TRPM3: variants seen among roughly 807,000 people sequenced by gnomAD.
TRPM3 encodes the protein transient receptor potential cation channel subfamily M member 3, also known as long transient receptor potential channel 3.
A neutral mutation model predicts 181.2 loss-of-function variants in TRPM3; 77 were observed. The ratio of observed to expected loss-of-function variants is 0.42; its 90% CI spans 0.35 to 0.51. The LOEUF (loss-of-function observed/expected upper bound fraction) is 0.51, where lower values mean the gene tolerates loss of function less well. TRPM3 is among the 20% of genes least tolerant of loss of function. The pLI is 0.01. For synonymous variants in TRPM3, 745 were observed against 796.4 expected, an observed-to-expected ratio of 0.94 and a Z score of 1.09; for missense variants, 1,759 against 2,196.7, an observed-to-expected ratio of 0.80 and a Z score of 3.98.
At chr9:71,275,810 A>G (rs2084162438) in intron 1 of TRPM3, among the ~76,000 whole-genome samples, 2 of 152,062 alleles carry the variant, frequency 1.3e-5, no homozygotes, top group East Asian at 3.9e-4. Context: ...ATATATGAGT[A>G]AGTTCATAAT....
At chr9:71,086,271 G>A (rs1403099676) in intron 1 of TRPM3, among the ~76,000 whole-genome samples, 2 of 151,348 alleles carry the variant, frequency 1.3e-5, no homozygotes, top group Non-Finnish European at 3.0e-5. Flanking sequence ...CTAGGTGATG[G>A]GATTATTAGT....
At chr9:71,275,724 A>G (rs145097484) in intron 1 of TRPM3, among the ~76,000 whole-genome samples, 2 of 152,356 alleles carry the variant, frequency 1.3e-5, no homozygotes, top group East Asian at 3.9e-4. Flanking sequence ...AACAAACAGA[A>G]TCTGAGGCAA....
intron 25 of TRPM3, among the ~76,000 whole-genome samples, chr9:70,541,016 C>T (rs963034704): frequency 1.3e-5 from 2 of 152,186 alleles, no homozygotes; most frequent in South Asian, 2.1e-4. Flanking sequence ...GCAGGAGTCA[C>T]TGCACTCAGC....
intron 6 of TRPM3, among the ~76,000 whole-genome samples, chr9:70,803,451 G>GTTTTTT: frequency 8.0e-6 from 1 of 125,326 alleles, no homozygotes; most frequent in Non-Finnish European, 1.6e-5. Context: ...CGTTTTTGTT[G>GTTTTTT]TTTTTTTTTT....
chr9:71,079,723 G>A lies in TRPM3; in HGVS notation c.177+41455C>T, dbSNP rs79696798. Among the ~76,000 whole-genome samples the A allele has an allele frequency of 5.1e-3, 782 of 152,232 alleles. 17 individuals carry two copies. The East Asian group carries it at 0.077, about 15-fold the overall frequency. ...GGCTTAGTAGTCAACAGGGTTTGTC[G>A]GAGAGTCCAGGGGATGTGCTCACCA... On this transcript the variant is annotated intron_variant, in intron 1 of 25. Coordinates refer to ENST00000677713, the MANE Select transcript of TRPM3 (RefSeq NM_001366145.2).
chr9:71,393,814 C>T (rs1174419218), intron 1 of TRPM3, among the ~76,000 whole-genome samples: 1 of 152,156 alleles, frequency 6.6e-6, no homozygotes. Flanking sequence ...TCATTAAGTT[C>T]CACTGAGACC....
chr9:70,608,830 A>C (rs1446947784), intron 19 of TRPM3, among the ~76,000 whole-genome samples: 1 of 152,200 alleles, frequency 6.6e-6, no homozygotes, highest in Non-Finnish European at 1.5e-5. Flanking sequence ...ACAGAGTAAG[A>C]GTTTGTCTCC....
chr9:70,625,156 C>T lies in TRPM3; in HGVS notation c.1809+35G>A, dbSNP rs1417386934. 3.1e-6 allele frequency: 5 copies of T among 1,612,730 alleles called. No individual in the cohort carries two copies. Among genetic ancestry groups the T allele is most frequent in the Admixed American group, 1.7e-5 (1 of 59,956 alleles). ...CCCAAATCCCATACACCCTAGTCCT[C>T]CCAGGAAGGGCCCCGAATTTGCAGC... On this transcript the variant is annotated intron_variant, in intron 14 of 25. Transcript: ENST00000677713. The surrounding 1 kb of genome is among the most constrained non-coding windows in gnomAD (Gnocchi z 4.8).
At chr9:70,575,102 C>A (rs569143544) in intron 22 of TRPM3, among the ~76,000 whole-genome samples, 2 of 127,208 alleles carry the variant, frequency 1.6e-5, no homozygotes, top group African/African-American at 5.4e-5. Context: ...CCACCACATC[C>A]CGCATAATTT....
At chr9:71,284,790 T>A (rs1227789537) in intron 1 of TRPM3, among the ~76,000 whole-genome samples, 2 of 152,190 alleles carry the variant, frequency 1.3e-5, no homozygotes, top group African/African-American at 4.8e-5. Context: ...TTACTTAGTC[T>A]ATACAGTTCA....
At chr9:70,605,101 C>T (rs2060795533) in intron 19 of TRPM3, among the ~76,000 whole-genome samples, 1 of 151,628 alleles carries the variant, frequency 6.6e-6, no homozygotes, top group South Asian at 2.1e-4. Flanking sequence ...ATTACAGGCA[C>T]CCATTACCAC....
chr9:71,364,769 G>A (rs1470746794), intron 1 of TRPM3, among the ~76,000 whole-genome samples: 1 of 152,168 alleles, frequency 6.6e-6, no homozygotes, highest in Admixed American at 6.5e-5. Flanking sequence ...GTGACCCAGG[G>A]CACTGAAAGT....
At chr9:71,048,158 C>T (rs1160175071) in intron 1 of TRPM3, among the ~76,000 whole-genome samples, 1 of 152,036 alleles carries the variant, frequency 6.6e-6, no homozygotes, top group Non-Finnish European at 1.5e-5. Flanking sequence ...TTGCACCAAC[C>T]AAATATTAAC....
In TRPM3 at chr9:70,998,269, T is replaced by A. The variant is rs11142666; in HGVS notation, c.177+122909A>T. On this transcript the variant is annotated intron_variant, in intron 1 of 25. Coordinates refer to ENST00000677713, the MANE Select transcript of TRPM3 (RefSeq NM_001366145.2). ...CACACACATATATATATATATATTTTTTTTAGTATTTTTCTTACCTGACAT... is the reference window on the plus strand; with the variant it reads ...CACACACATATATATATATATATTTATTTTAGTATTTTTCTTACCTGACAT... Among the ~76,000 whole-genome samples, 734 of 149,536 alleles carry A rather than the reference T, an allele frequency of 4.9e-3. 3 individuals are homozygous for A. The highest frequency in any genetic ancestry group is 8.5e-3 in the Non-Finnish European group (573 of 67,340).
chr9:71,320,332 A>C (rs1300595645), intron 1 of TRPM3, among the ~76,000 whole-genome samples: 1 of 151,722 alleles, frequency 6.6e-6, no homozygotes, highest in East Asian at 1.9e-4. Flanking sequence ...AAAAAAAAAA[A>C]CAAATGCTTA....
At chr9:71,027,689 A>G (rs1437440310) in intron 1 of TRPM3, among the ~76,000 whole-genome samples, 1 of 152,236 alleles carries the variant, frequency 6.6e-6, no homozygotes, top group Admixed American at 6.5e-5. Context: ...TAGCAGCAGA[A>G]TAGACCAAGC....
chr9:71,194,625 C>T (rs1020767543), intron 1 of TRPM3, among the ~76,000 whole-genome samples: 2 of 151,870 alleles, frequency 1.3e-5, no homozygotes, highest in Non-Finnish European at 2.9e-5. Flanking sequence ...TGAACTCTGA[C>T]GCAAGTGAGA....
At chr9:70,627,129 C>T (rs928211774) in intron 12 of TRPM3, among the ~76,000 whole-genome samples, 8 of 152,130 alleles carry the variant, frequency 5.3e-5, no homozygotes, top group African/African-American at 1.9e-4. Flanking sequence ...GTTGGAATAG[C>T]CCTAGTTCAC....
intron 18 of TRPM3, among the ~76,000 whole-genome samples, chr9:70,614,511 A>G (rs180808954): frequency 2.0e-5 from 3 of 152,184 alleles, no homozygotes; most frequent in Admixed American, 2.0e-4. Context: ...ATAAATAAAT[A>G]AATAAAATGG....
Sources: gnomAD v4.1 joint callset for allele counts (sites outside exome capture counted in the v4.1 genomes callset) on GRCh38, gnomAD v4.1.1 for gene constraint, Gnocchi (gnomAD v3.1) non-coding constraint, MANE v1.5 for transcripts, NCBI Gene and HGNC (gene_info 2026-07-23, HGNC 2026-07-21) for gene names.